PTPRM: variants seen among roughly 807,000 people sequenced by gnomAD.
The protein encoded by PTPRM is receptor-type tyrosine-protein phosphatase mu.
Under a neutral mutation model 186.7 loss-of-function variants are expected in PTPRM, and 47 were observed. The observed-to-expected ratio is 0.25, with a 90% CI of 0.20 to 0.32. PTPRM has a LOEUF of 0.32. Among genes scored for constraint, PTPRM ranks in the 10% least tolerant of loss-of-function variants. PTPRM has a pLI of 1.00. For missense variants in PTPRM, 1,494 were observed against 1,865.0 expected, an observed-to-expected ratio of 0.80 and a Z score of 3.66; for synonymous variants, 668 against 674.9, an observed-to-expected ratio of 0.99 and a Z score of 0.16.
intron 1 of PTPRM, among the ~76,000 whole-genome samples, chr18:7,657,989 AT>A (rs1390594044): frequency 6.6e-6 from 1 of 152,146 alleles, no homozygotes; most frequent in Non-Finnish European, 1.5e-5. Flanking sequence ...ACATTGTGAA[AT>A]GATTACCACC....
At position 8,014,506 on chromosome 18, in the gene PTPRM, G is replaced by A. The variant is rs561784085; in HGVS notation, c.1133-55180G>A. Among the ~76,000 whole-genome samples, 23 of 152,270 alleles carry A rather than the reference G, an allele frequency of 1.5e-4. No homozygotes were observed. The South Asian group carries it at 4.8e-3, about 32-fold the overall frequency. The stretch of plus-strand genomic sequence containing the variant: ...CACACTGAAGGAAAAAAGTGCAAGT[G>A]TTATAAGATAATTAGAACGGTTAGG... On this transcript the variant is annotated intron_variant, in intron 7 of 32. Transcript: ENST00000580170.
At chr18:7,821,045 T>A (rs770915450) in intron 2 of PTPRM, among the ~76,000 whole-genome samples, 1 of 152,148 alleles carries the variant, frequency 6.6e-6, no homozygotes, top group Non-Finnish European at 1.5e-5. Context: ...GAGGAAATTC[T>A]TCTGTAACCT....
At chr18:7,749,107 A>T (rs1183093302) in intron 1 of PTPRM, 1 of 152,116 alleles carries the variant, frequency 6.6e-6, no homozygotes, top group East Asian at 1.9e-4. Flanking sequence ...TTGCCTTTGG[A>T]GTTACTTGCC....
At chr18:8,291,001 C>T (rs2095036944) in intron 19 of PTPRM, among the ~76,000 whole-genome samples, 1 of 152,068 alleles carries the variant, frequency 6.6e-6, no homozygotes, top group Non-Finnish European at 1.5e-5. Flanking sequence ...TTCAAAATCC[C>T]ACCTATAAAA....
chr18:7,799,271 A>G (rs1302524898), intron 2 of PTPRM, among the ~76,000 whole-genome samples: 2 of 152,272 alleles, frequency 1.3e-5, no homozygotes, highest in African/African-American at 4.8e-5. Context: ...AGCTTCTTTT[A>G]TAAGGACATG....
chr18:7,740,005 G>A (rs1000570561), intron 1 of PTPRM, among the ~76,000 whole-genome samples: 31 of 152,204 alleles, frequency 2.0e-4, no homozygotes, highest in African/African-American at 6.8e-4. Flanking sequence ...ACATTGTGCT[G>A]TTTAAATTTA....
Position 8,002,025 on chromosome 18 carries a change from A to G in PTPRM, c.1132+46611A>G, listed in dbSNP as rs184179124. ...AAAAAGAGTTATTGTTAAATGTGGA[A>G]AACTGCTCCTGATTATTTTGGCCAT... On this transcript the variant is annotated intron_variant, in intron 7 of 32. Transcript: ENST00000580170. 1.4e-3 allele frequency among the ~76,000 whole-genome samples: 210 copies of G among 152,310 alleles called. 2 individuals are homozygous for G. The highest frequency in any genetic ancestry group is 7.2e-4 in the Admixed American group (11 of 15,294).
In PTPRM at chr18:7,918,615, C is replaced by G. The variant is rs927948925; in HGVS notation, c.548-7953C>G. On this transcript the variant is annotated intron_variant, in intron 4 of 32. Transcript: ENST00000580170. The stretch of plus-strand genomic sequence containing the variant: ...AGGAAAGAATCAGTGAATCTGAAGA[C>G]AGCTACTTGAATGTCCAGTTTTAAA... Among the ~76,000 whole-genome samples the G allele has an allele frequency of 2.0e-5, 3 of 152,118 alleles. No individual in the cohort carries two copies. In the East Asian group the frequency reaches 5.8e-4, roughly 29 times the overall value.
intron 14 of PTPRM, among the ~76,000 whole-genome samples, chr18:8,219,973 A>G (rs145803310): frequency 6.6e-6 from 1 of 152,286 alleles, no homozygotes; most frequent in East Asian, 1.9e-4. Context: ...CTAAACTCCA[A>G]AAGGGGGCGC....
intron 1 of PTPRM, among the ~76,000 whole-genome samples, chr18:7,597,172 C>T (rs1223007267): frequency 2.6e-5 from 4 of 152,066 alleles, no homozygotes; most frequent in East Asian, 1.9e-4. Context: ...TAATTCATAG[C>T]GTTTTTGTAC....
intron 20 of PTPRM, among the ~76,000 whole-genome samples, chr18:8,306,641 A>G (rs1364300439): frequency 6.6e-6 from 1 of 152,170 alleles, no homozygotes; most frequent in Non-Finnish European, 1.5e-5. Flanking sequence ...AATTCTACAG[A>G]TCTTATGCCT....
intron 7 of PTPRM, among the ~76,000 whole-genome samples, chr18:8,030,055 C>T (rs1013006546): frequency 6.6e-6 from 1 of 151,772 alleles, no homozygotes; most frequent in African/African-American, 2.4e-5. Context: ...AGCACAGGTG[C>T]CACCATCTTT....
intron 2 of PTPRM, among the ~76,000 whole-genome samples, chr18:7,864,825 A>G (rs1567936413): frequency 6.6e-6 from 1 of 152,210 alleles, no homozygotes; most frequent in Non-Finnish European, 1.5e-5. Flanking sequence ...CTTCTTATCC[A>G]TGAGTATGGA....
At chr18:8,240,486 A>AG (rs1568582516) in intron 14 of PTPRM, among the ~76,000 whole-genome samples, 140 of 59,764 alleles carry the variant, frequency 2.3e-3, no homozygotes, top group African/African-American at 0.011. Context: ...AGGGGAGGAG[A>AG]GAGAGAGAGA....
At chr18:7,951,295 A>G (rs2052936474) in intron 6 of PTPRM, among the ~76,000 whole-genome samples, 1 of 152,162 alleles carries the variant, frequency 6.6e-6, no homozygotes, top group Admixed American at 6.5e-5. Flanking sequence ...CATCATTATT[A>G]CTACCATTAT....
intron 7 of PTPRM, among the ~76,000 whole-genome samples, chr18:7,984,598 T>TACACACACACACAC (rs1426131645): frequency 8.7e-6 from 1 of 115,112 alleles, no homozygotes; most frequent in African/African-American, 3.6e-5. Flanking sequence ...TATATATATA[T>TACACACACACACAC]ATATACACAC....
chr18:8,216,619 A>C (rs12957170), intron 14 of PTPRM, among the ~76,000 whole-genome samples: 40,880 of 152,002 alleles, frequency 0.27, 5,558 homozygotes, highest in Middle Eastern at 0.51. Flanking sequence ...AAAGACCAAA[A>C]CTTTCATTTG....
intron 14 of PTPRM, among the ~76,000 whole-genome samples, chr18:8,209,488 CG>C (rs950058798): frequency 1.3e-5 from 2 of 151,968 alleles, no homozygotes; most frequent in Non-Finnish European, 2.9e-5. Context: ...AAATGAGGTC[CG>C]GGTGGGAGAT....
intron 2 of PTPRM, among the ~76,000 whole-genome samples, chr18:7,869,546 A>G (rs567170347): frequency 6.6e-5 from 10 of 152,198 alleles, no homozygotes; most frequent in South Asian, 4.2e-4. Context: ...ACCAGTCCCA[A>G]TGTGATGAGC....
Sources: gnomAD v4.1 joint callset for allele counts (sites outside exome capture counted in the v4.1 genomes callset) on GRCh38, gnomAD v4.1.1 for gene constraint, MANE v1.5 for transcripts, NCBI Gene and HGNC (gene_info 2026-07-23, HGNC 2026-07-21) for gene names.